ACSM3: variants seen among roughly 807,000 people sequenced by gnomAD.
The protein encoded by ACSM3 is acyl-coenzyme A synthetase ACSM3, mitochondrial.
A neutral mutation model predicts 74.1 loss-of-function variants in ACSM3; 61 were observed. The ratio of observed to expected loss-of-function variants is 0.82; its 90% CI spans 0.67 to 1.02. ACSM3 has a LOEUF of 1.02. Among genes scored for constraint, ACSM3 ranks in the 50% least tolerant of loss-of-function variants. ACSM3 has a pLI of 0.00. For synonymous variants in ACSM3, 213 were observed against 241.5 expected (o/e 0.88, Z 1.09); for missense variants, 660 against 697.0 (o/e 0.95, Z 0.60).
intron 1 of ACSM3, chr16:20,725,396 G>T (rs2079801259): frequency 4.1e-6 from 1 of 246,348 alleles, no homozygotes. Flanking sequence ...ACCCTGTGCA[G>T]CCCTCCCACC....
At chr16:20,722,429 C>T (rs923013319) in intron 1 of ACSM3, 1 of 152,162 alleles carries the variant, frequency 6.6e-6, no homozygotes, top group Non-Finnish European at 1.5e-5. Context: ...CATAGTGGAA[C>T]TTCTCCAGAA....
intron 2 of ACSM3, among the ~76,000 whole-genome samples, chr16:20,752,748 A>G (rs1378950612): frequency 2.6e-5 from 4 of 152,260 alleles, no homozygotes; most frequent in Non-Finnish European, 5.9e-5. Context: ...CAATAGCTGC[A>G]TTAGGTGAAA....
chr16:20,766,817 C>T (rs2080130968), intron 1 of ACSM3, among the ~76,000 whole-genome samples: 1 of 151,962 alleles, frequency 6.6e-6, no homozygotes, highest in Non-Finnish European at 1.5e-5. Context: ...TATGGAAAGC[C>T]CTTAAAAGGT....
intron 1 of ACSM3, among the ~76,000 whole-genome samples, chr16:20,688,084 C>CAAA (rs34719963): frequency 1.0e-5 from 1 of 95,468 alleles, no homozygotes; most frequent in Non-Finnish European, 2.2e-5. Context: ...AACTCTGTCT[C>CAAA]AAAAAAAAAA....
chr16:20,685,415 C>T (rs2079529535), intron 1 of ACSM3: 1 of 1,612,072 alleles, frequency 6.2e-7, no homozygotes. Flanking sequence ...TGGTCAAGAC[C>T]ATATATTATG....
At chr16:20,781,825 G>C in intron 7 of ACSM3, 38 bp downstream of exon 7, 2 of 1,441,698 alleles carry the variant, frequency 1.4e-6, no homozygotes, top group South Asian at 2.3e-5. Context: ...AGTGGGGAGA[G>C]GGGAGAAGAG....
intron 4 of ACSM3, chr16:20,780,322 A>T (rs567976003): frequency 3.7e-5 from 12 of 325,714 alleles, no homozygotes; most frequent in African/African-American, 8.5e-5. Context: ...ACTCATTTTT[A>T]AAAAATCACA....
chr16:20,709,576 ATTAT>A (rs2079737919), intron 1 of ACSM3, among the ~76,000 whole-genome samples: 1 of 152,232 alleles, frequency 6.6e-6, no homozygotes, highest in African/African-American at 2.4e-5. Flanking sequence ...ACGGATACTA[ATTAT>A]TTATAAGTCA....
intron 1 of ACSM3, among the ~76,000 whole-genome samples, chr16:20,689,905 A>T (rs2079622200): frequency 6.6e-6 from 1 of 152,216 alleles, no homozygotes; most frequent in South Asian, 2.1e-4. Context: ...CTGCTCTCCC[A>T]CTTATTAGAC....
rs1379159946 is a variant in ACSM3 at position 20,790,436 on chromosome 16, G to A, written c.1225-151G>A. ...TGCACCACTGCACTCCAGCCTGGGT[G>A]ACAAAGTGAGACCTTGTCTCACACA... On this transcript the variant is annotated intron_variant, in intron 9 of 13. Coordinates refer to ENST00000289416, the MANE Select transcript of ACSM3 (RefSeq NM_005622.4). This position sits in a 1 kb window ranked among gnomAD's most constrained non-coding sequence, Gnocchi z 4.0. 5.7e-6 allele frequency: 4 copies of A among 696,006 alleles called. No homozygotes were observed. Among genetic ancestry groups the A allele is most frequent in the South Asian group, 1.9e-5 (1 of 52,282 alleles). The allele number at this position is 696,006 out of a possible 1,614,324, so 43.1% of individuals were successfully genotyped here. A position where few individuals can be genotyped will look rare whatever the true frequency, so the allele number is the denominator to read the frequency against.
intron 2 of ACSM3, among the ~76,000 whole-genome samples, chr16:20,752,456 A>G (rs887308578): frequency 2.6e-5 from 4 of 152,232 alleles, no homozygotes; most frequent in Non-Finnish European, 5.9e-5. Context: ...TTGATGGAAA[A>G]TGATATGTTA....
chr16:20,771,371 CTTTTTTTTTTTTT>C (rs57406215), intron 2 of ACSM3, among the ~76,000 whole-genome samples: 1 of 85,252 alleles, frequency 1.2e-5, no homozygotes, highest in Admixed American at 1.4e-4. Context: ...GGCCGAGCTC[CTTTTTTTTTTTTT>C]TTTTTTTTTT....
At chr16:20,746,081 CTGAG>C (rs1198486843) in intron 1 of ACSM3, among the ~76,000 whole-genome samples, 1 of 152,182 alleles carries the variant, frequency 6.6e-6, no homozygotes, top group Non-Finnish European at 1.5e-5. Flanking sequence ...CTGTGAAACT[CTGAG>C]TAAGTTACCC....
chr16:20,690,307 T>C (rs541252870), intron 1 of ACSM3, among the ~76,000 whole-genome samples: 1 of 152,316 alleles, frequency 6.6e-6, no homozygotes, highest in East Asian at 1.9e-4. Flanking sequence ...ATAAATACCA[T>C]CCATTGTCTA....
chr16:20,777,247 A>G lies in ACSM3; in HGVS notation c.431-126A>G. ...AGATAAGTGAAAGCAAGATAAATAG[A>G]TATCTTCCTGGTAAACTGACTAACT... On this transcript the variant is annotated intron_variant, in intron 3 of 13. Transcript: ENST00000289416. 3 of 861,924 alleles carry G rather than the reference A, an allele frequency of 3.5e-6. No homozygotes were observed. The South Asian group carries it at 5.8e-5, about 17-fold the overall frequency. 53.4% of individuals were successfully genotyped at this position (861,924 alleles called of 1,614,324 possible).
At chr16:20,697,881 G>A (rs1417682261) in intron 1 of ACSM3, 4 of 152,272 alleles carry the variant, frequency 2.6e-5, no homozygotes. Flanking sequence ...GGCCTCCACG[G>A]AGAGATAATC....
chr16:20,777,713 G>A, intron 4 of ACSM3, 133 bp downstream of exon 4: 1 of 777,132 alleles, frequency 1.3e-6, no homozygotes, highest in Non-Finnish European at 2.0e-6. Context: ...AGTTATTGCT[G>A]CACTAATAGT....
At chr16:20,724,530 G>T (rs1596485725) in intron 1 of ACSM3, among the ~76,000 whole-genome samples, 1 of 152,114 alleles carries the variant, frequency 6.6e-6, no homozygotes, top group African/African-American at 2.4e-5. Flanking sequence ...TTCTGGCCAG[G>T]GCAATCAGGC....
intron 10 of ACSM3, 139 bp from the exon 11 acceptor site, chr16:20,791,863 G>A: frequency 1.1e-6 from 1 of 909,090 alleles, no homozygotes. Flanking sequence ...GGGAGGCAGA[G>A]GTTGCAGTAA....
Sources: allele counts gnomAD v4.1 joint callset (sites outside exome capture counted in the v4.1 genomes callset), GRCh38; gene constraint gnomAD v4.1.1; non-coding constraint Gnocchi (gnomAD v3.1); transcripts MANE v1.5; gene names NCBI Gene and HGNC (gene_info 2026-07-23, HGNC 2026-07-21).